MAF: variants seen among roughly 807,000 people sequenced by gnomAD.
MAF encodes transcription factor Maf.
In MAF, 10 loss-of-function variants were observed where a neutral mutation model predicts 22.0. The observed-to-expected ratio is 0.45, with a 90% CI of 0.28 to 0.77. MAF has a LOEUF of 0.77. Ranked by LOEUF, MAF falls within the 30% of genes least tolerant of loss-of-function variation. The probability of loss-of-function intolerance (pLI) is 0.12; values close to 1 mark genes in which losing one functional copy is unlikely to be tolerated. For synonymous variants in MAF, 337 were observed against 255.8 expected, an observed-to-expected ratio of 1.32 and a Z score of -3.03; for missense variants, 544 against 548.4, an observed-to-expected ratio of 0.99 and a Z score of 0.08.
the MAF span, among the ~76,000 whole-genome samples, chr16:79,509,661 G>C: frequency 6.6e-6 from 1 of 152,254 alleles, no homozygotes; most frequent in Non-Finnish European, 1.5e-5. Context: ...CTTGGCCTGA[G>C]CGTGTAATTC....
chr16:79,203,366 C>G, the MAF span: 1 of 152,134 alleles, frequency 6.6e-6, no homozygotes, highest in African/African-American at 2.4e-5. Flanking sequence ...TTTGAAATAG[C>G]GGGGCTGGAC....
the MAF span, among the ~76,000 whole-genome samples, chr16:79,359,441 T>C: frequency 5.9e-5 from 9 of 152,286 alleles, no homozygotes; most frequent in South Asian, 1.9e-3. Flanking sequence ...GAAGATAAGA[T>C]AGTCTAATGC....
At chr16:79,371,491 C>G in the MAF span, among the ~76,000 whole-genome samples, 2 of 152,160 alleles carry the variant, frequency 1.3e-5, no homozygotes, top group African/African-American at 2.4e-5. Context: ...GAATGACTAA[C>G]TAGGCCCTCT....
At chr16:79,414,089 G>C in the MAF span, among the ~76,000 whole-genome samples, 8 of 152,162 alleles carry the variant, frequency 5.3e-5, no homozygotes, top group African/African-American at 1.9e-4. Context: ...CTTGGTGGTT[G>C]AGGGTGTATA....
chr16:79,378,602 T>G, the MAF span, among the ~76,000 whole-genome samples: 1 of 152,190 alleles, frequency 6.6e-6, no homozygotes, highest in East Asian at 1.9e-4. Flanking sequence ...CTGAGTAGAA[T>G]GAGGGAATAA....
the MAF span, among the ~76,000 whole-genome samples, chr16:79,418,275 T>A: frequency 6.6e-6 from 1 of 152,068 alleles, no homozygotes; most frequent in African/African-American, 2.4e-5. Flanking sequence ...TAAATAGGCA[T>A]TTCTCATTAT....
chr16:79,324,593 G>A, the MAF span, among the ~76,000 whole-genome samples: 2 of 152,220 alleles, frequency 1.3e-5, no homozygotes, highest in Admixed American at 1.3e-4. Context: ...GGTCCAGGAA[G>A]GCTAAGTAAT....
At chr16:79,336,466 G>T in the MAF span, among the ~76,000 whole-genome samples, 1 of 152,222 alleles carries the variant, frequency 6.6e-6, no homozygotes, top group Non-Finnish European at 1.5e-5. Context: ...CTTCAGGGAT[G>T]CTGGGAGGAA....
At chr16:79,335,252 G>A in the MAF span, among the ~76,000 whole-genome samples, 1 of 151,780 alleles carries the variant, frequency 6.6e-6, no homozygotes, top group East Asian at 1.9e-4. Flanking sequence ...TATTTTGGGG[G>A]CTGTTGGAGA....
At chr16:79,385,386 C>G in the MAF span, among the ~76,000 whole-genome samples, 12 of 152,264 alleles carry the variant, frequency 7.9e-5, no homozygotes, top group African/African-American at 2.9e-4. Flanking sequence ...GTTTAAAATT[C>G]ATTTCATTTT....
chr16:79,211,713 G>C, the MAF span: 1 of 1,614,224 alleles, frequency 6.2e-7, no homozygotes, highest in Non-Finnish European at 8.5e-7. Flanking sequence ...CTCACCAGAA[G>C]CTCAGAGCGA....
At chr16:79,266,084 G>C in the MAF span, among the ~76,000 whole-genome samples, 3 of 150,818 alleles carry the variant, frequency 2.0e-5, no homozygotes, top group Non-Finnish European at 4.4e-5. Flanking sequence ...GTGTTGCCTA[G>C]GCTGGTCTCG....
At chr16:79,596,487 A>C in intron 1 of MAF, 3 of 1,051,962 alleles carry the variant, frequency 2.9e-6, no homozygotes, top group Non-Finnish European at 3.4e-6. Flanking sequence ...AATCAAAAAA[A>C]AATGCCGTTT....
chr16:79,398,249 C>T, the MAF span, among the ~76,000 whole-genome samples: 29 of 152,292 alleles, frequency 1.9e-4, no homozygotes, highest in South Asian at 2.9e-3. Flanking sequence ...TTTGTGATTA[C>T]GCTAGGTCCA....
chr16:79,514,896 C>T, the MAF span, among the ~76,000 whole-genome samples: 1 of 152,218 alleles, frequency 6.6e-6, no homozygotes, highest in African/African-American at 2.4e-5. Flanking sequence ...GTATTTTTCT[C>T]TTCGCAAGCC....
In MAF at chr16:79,597,809, T is replaced by TTTA. The variant is rs201847885; in HGVS notation, c.1118+973_1118+975dup. 3.8e-4 allele frequency: 386 copies of TTTA among 1,021,814 alleles called. 2 individuals are homozygous for TTTA. In the African/African-American group the frequency reaches 6.0e-3, roughly 16 times the overall value. The allele number at this position is 1,021,814 out of a possible 1,614,324, so 63.3% of individuals were successfully genotyped here. ...ATGTCCAGCATGCAGGCTTTTTTTT[T>TTTA]TTATTAATATAATGTCTCTTTTCCA... On this transcript the variant is annotated intron_variant, in intron 1 of 1. Transcript: ENST00000326043.
the MAF span, among the ~76,000 whole-genome samples, chr16:79,265,434 T>A: frequency 6.6e-6 from 1 of 152,132 alleles, no homozygotes; most frequent in Non-Finnish European, 1.5e-5. Flanking sequence ...CCCGAATAAG[T>A]GACTCTAAGG....
chr16:79,279,758 G>A, the MAF span, among the ~76,000 whole-genome samples: 8 of 152,134 alleles, frequency 5.3e-5, no homozygotes, highest in African/African-American at 1.4e-4. Flanking sequence ...TTCGAGCAGA[G>A]CTGCTGCTGC....
the MAF span, among the ~76,000 whole-genome samples, chr16:79,460,139 A>G: frequency 6.6e-6 from 1 of 151,752 alleles, no homozygotes. Flanking sequence ...AAAGTGTTGC[A>G]AATATTTTCT....
Sources: gnomAD v4.1 joint callset for allele counts (sites outside exome capture counted in the v4.1 genomes callset) on GRCh38, gnomAD v4.1.1 for gene constraint, MANE v1.5 for transcripts, NCBI Gene and HGNC (gene_info 2026-07-23, HGNC 2026-07-21) for gene names.